Variants in PKD1 observed in about 807,000 individuals in gnomAD.
The protein encoded by PKD1 is polycystin-1.
PKD1 carries 81 observed loss-of-function variants against 361.7 expected under a neutral mutation model. That is an observed-to-expected ratio of 0.22 (90% CI 0.19 to 0.27). The LOEUF (loss-of-function observed/expected upper bound fraction) is 0.27, where lower values mean the gene tolerates loss of function less well. PKD1 is among the 10% of genes least tolerant of loss of function. The pLI is 1.00. For synonymous variants in PKD1, 3,615 were observed against 2,818.3 expected, an observed-to-expected ratio of 1.28 and a Z score of -8.95; for missense variants, 6,399 against 6,118.3, an observed-to-expected ratio of 1.05 and a Z score of -1.53.
Position 2,100,801 on chromosome 16 carries a change from C to A in PKD1, c.9398-235G>T. 1 of 571,862 alleles carries A rather than the reference C, an allele frequency of 1.7e-6. No homozygotes were observed. Among genetic ancestry groups the A allele is most frequent in the Non-Finnish European group, 3.1e-6 (1 of 317,540 alleles). 35.4% of individuals were successfully genotyped at this position (571,862 alleles called of 1,614,324 possible). On this transcript the variant is annotated intron_variant, in intron 26 of 45. Transcript: ENST00000262304. The surrounding 1 kb of genome is among the most constrained non-coding windows in gnomAD (Gnocchi z 4.4). The stretch of plus-strand genomic sequence containing the variant: ...GGAAAGAACTGTAACTTGTGACATG[C>A]AAACATGGCTGCACACGCCTCAGTC...
At chr16:2,129,014 C>A (rs562831567) in intron 1 of PKD1, among the ~76,000 whole-genome samples, 22 of 152,168 alleles carry the variant, frequency 1.4e-4, no homozygotes, top group Middle Eastern at 3.4e-3. Flanking sequence ...CAGGCGCCCA[C>A]GACCACACCT....
intron 1 of PKD1, among the ~76,000 whole-genome samples, chr16:2,125,020 G>A (rs1422701296): frequency 4.6e-5 from 7 of 152,212 alleles, no homozygotes. Context: ...GGGCGCTGGA[G>A]AGGACAGGGG....
chr16:2,096,550 T>C (rs1372802183), intron 34 of PKD1, among the ~76,000 whole-genome samples: 2 of 152,150 alleles, frequency 1.3e-5, no homozygotes, highest in Non-Finnish European at 2.9e-5. Flanking sequence ...AGTTTCGCTC[T>C]TGTTGCCCAG....
chr16:2,132,829 C>A (rs1252203779), intron 1 of PKD1, among the ~76,000 whole-genome samples: 1 of 149,722 alleles, frequency 6.7e-6, no homozygotes, highest in African/African-American at 2.5e-5. Context: ...TGCCTGTAAT[C>A]CCAGCACTTT....
At chr16:2,104,422 C>A (rs190079885) in intron 22 of PKD1, 76 bp downstream of exon 22, 2 of 1,021,768 alleles carry the variant, frequency 2.0e-6, no homozygotes, top group Non-Finnish European at 2.7e-6. Flanking sequence ...AAAGGCGACG[C>A]GGTTGGGGGG....
rs771451033 is a variant in PKD1, at chr16:2,102,459, G to A, written c.9123C>T (p.Ala3041=). ...LPLEETSPRQ[A]VCLTRHLTAF... ...CGGTGAGGTGGCGGGTGAGGCAGAC[G>A]GCCTGGCGGGGCGAGGTCTCCTCCA... is the stretch of plus-strand genomic sequence containing the variant. The change falls in exon 25 of 46, where the codon GCC becomes GCT. Residue 3041 remains alanine (A), a synonymous_variant. Coordinates refer to ENST00000262304, the MANE Select transcript of PKD1 (RefSeq NM_001009944.3). 52 of 1,552,822 alleles carry A rather than the reference G, an allele frequency of 3.3e-5. No homozygotes were observed. The highest frequency in any genetic ancestry group is 3.7e-5 in the Non-Finnish European group (42 of 1,149,680).
At chr16:2,092,868 A>G (rs985228239) in intron 38 of PKD1, 86 bp downstream of exon 38, 1 of 1,493,924 alleles carries the variant, frequency 6.7e-7, no homozygotes, top group Non-Finnish European at 9.3e-7. Flanking sequence ...AGGTATCTAC[A>G]CATGTCCACA....
chr16:2,090,910 A>G lies in PKD1; in HGVS notation c.11977T>C (p.Ser3993Pro). Residue 3993 changes from serine to proline, a missense_variant, in exon 43 of 46, where the codon TCG becomes CCG. Transcript: ENST00000262304. ...TTGACCAAAAGCAGGAAGAGCAGCGAGGCCGCCAGGCCACGGGCTGCGGAG... is the reference window on the plus strand; with the variant it reads ...TTGACCAAAAGCAGGAAGAGCAGCGGGGCCGCCAGGCCACGGGCTGCGGAG... ...LSSAARGLAASLLFLLLVKAA... is the reference protein window; with the variant it reads ...LSSAARGLAAPLLFLLLVKAA... 6.3e-7 allele frequency: 1 copy of G among 1,592,700 alleles called. No individual in the cohort carries two copies. The highest frequency in any genetic ancestry group is 1.1e-5 in the South Asian group (1 of 90,068).
rs1359870594 is a variant in PKD1 at position 2,102,617 on chromosome 16, C to T, written c.8965G>A (p.Gly2989Arg). ...FISPGSRDPA[G>R]SYHLNLSSHF... ...CTGGAGAGGTTCAGATGGTAACTCC[C>T]CGCTGGGTCTCTGCTCCTGGGCAGG... The change falls in exon 25 of 46, where the codon GGG becomes AGG. Residue 2989 changes from glycine (G) to arginine (R), a missense_variant. Physicochemically the swap from Gly to Arg is moderately radical, Grantham distance 125. Coordinates refer to ENST00000262304, the MANE Select transcript of PKD1 (RefSeq NM_001009944.3). 5 of 1,610,938 alleles carry T rather than the reference C, an allele frequency of 3.1e-6. No homozygotes were observed. The Admixed American group carries it at 8.3e-5, about 27-fold the overall frequency.
Position 2,112,939 on chromosome 16 carries a change from T to G in PKD1, c.3010A>C (p.Asn1004His), listed in dbSNP as rs1184516660. ...LSLTASNHVS[N>H]VTVNYNVTVE... ...GTTACGTTGTAGTTCACGGTGACGTTGCTCACGTGGTTGGAGGCCGTCAGC... is the reference window on the plus strand; with the variant it reads ...GTTACGTTGTAGTTCACGGTGACGTGGCTCACGTGGTTGGAGGCCGTCAGC... The change falls in exon 13 of 46, where the codon AAC becomes CAC. Residue 1004 changes from asparagine to histidine, a missense_variant. Physicochemically the swap from Asn to His is moderately conservative, Grantham distance 68. Coordinates refer to ENST00000262304, the MANE Select transcript of PKD1 (RefSeq NM_001009944.3). 5.0e-6 allele frequency: 8 copies of G among 1,602,542 alleles called. No homozygotes were observed. Among genetic ancestry groups the G allele is most frequent in the Non-Finnish European group, 6.8e-6 (8 of 1,179,756 alleles).
At position 2,103,354 on chromosome 16, in the gene PKD1, G is replaced by A; in HGVS notation, c.8703C>T (p.Pro2901=). ...ANSANSVVVQ[P]QASVGAVVTL... is the part of the protein sequence containing the mutation. ...TGACCACAGCACCGACGGAGGCCTG[G>A]GGCTGGACCACAACGGAGTTGGCGG... The change falls in exon 23 of 46, where the codon CCC becomes CCT. Residue 2901 remains proline, a synonymous_variant. Transcript: ENST00000262304. 1.2e-6 allele frequency: 2 copies of A among 1,604,852 alleles called. No homozygotes were observed. Among genetic ancestry groups the A allele is most frequent in the East Asian group, 4.5e-5 (2 of 44,870 alleles).
chr16:2,101,743 G>A (rs920293526), intron 26 of PKD1, among the ~76,000 whole-genome samples: 1 of 152,290 alleles, frequency 6.6e-6, no homozygotes, highest in Non-Finnish European at 1.5e-5. Flanking sequence ...GACGAGCTAT[G>A]CAGTCAGGAT....
At chr16:2,122,136 C>G (rs2092730764) in intron 1 of PKD1, among the ~76,000 whole-genome samples, 1 of 152,260 alleles carries the variant, frequency 6.6e-6, no homozygotes, top group African/African-American at 2.4e-5. Flanking sequence ...GGGGACAGAG[C>G]AGCCGAGGCC....
chr16:2,126,508 G>A (rs2092801855), intron 1 of PKD1, among the ~76,000 whole-genome samples: 1 of 152,280 alleles, frequency 6.6e-6, no homozygotes, highest in Non-Finnish European at 1.5e-5. Context: ...GGCAAGGACA[G>A]CTGCCAAGCC....
intron 33 of PKD1, 34 bp downstream of exon 33, chr16:2,097,285 A>C (rs2091887657): frequency 3.7e-6 from 6 of 1,609,790 alleles, no homozygotes; most frequent in Non-Finnish European, 5.1e-6. Context: ...TGCAAGGGTG[A>C]GCTTCAGAGC....
chr16:2,097,125 TC>T, intron 34 of PKD1, 22 bp downstream of exon 34: 1 of 1,198,330 alleles, frequency 8.3e-7, no homozygotes. Flanking sequence ...CAATCCCCCC[TC>T]CCCCGAGAGC....
Position 2,091,046 on chromosome 16 carries a change from G to C in PKD1, c.11841C>G (p.Ala3947=), listed in dbSNP as rs1213486088. Residue 3947 remains alanine (A), a synonymous_variant, in exon 43 of 46, where the codon GCC becomes GCG. Transcript: ENST00000262304. The stretch of plus-strand genomic sequence containing the variant: ...GCTGGGCGAGGCGTACCAGTGCCGT[G>C]GCCGCCGTCAGCGCCACCAGCAGCC... The part of the protein sequence containing the change: ...ARWLLVALTA[A]TALVRLAQLG... The C allele has an allele frequency of 1.3e-6, 2 of 1,525,920 alleles. No homozygotes were observed. Among genetic ancestry groups the C allele is most frequent in the African/African-American group, 1.4e-5 (1 of 72,240 alleles). The allele number at this position is 1,525,920 out of a possible 1,614,324, so 94.5% of individuals were successfully genotyped here.
rs961328710 is a variant in PKD1, at chr16:2,119,851, C to T, written c.216-473G>A. 4 of 699,662 alleles carry T rather than the reference C, an allele frequency of 5.7e-6. No individual in the cohort carries two copies. The African/African-American group carries it at 7.0e-5, about 12-fold the overall frequency. The allele number at this position is 699,662 out of a possible 1,614,324, so 43.3% of individuals were successfully genotyped here. A position where few individuals can be genotyped will look rare whatever the true frequency, so the allele number is the denominator to read the frequency against. ...CAGGTATGACTGTGTGAGAAGCAGG[C>T]TCACTACCAGGCTACCAGGGAGCAC... On this transcript the variant is annotated intron_variant, in intron 1 of 45. Coordinates refer to ENST00000262304, the MANE Select transcript of PKD1 (RefSeq NM_001009944.3).
At position 2,088,757 on chromosome 16, in the gene PKD1, TG is replaced by T. The variant is rs397514891; in HGVS notation, c.*969del. The T allele has an allele frequency of 7.9e-5, 91 of 1,157,584 alleles. No homozygotes were observed. Among genetic ancestry groups the T allele is most frequent in the Middle Eastern group, 2.7e-4 (1 of 3,642 alleles). 71.7% of individuals were successfully genotyped at this position (1,157,584 alleles called of 1,614,324 possible). A position where few individuals can be genotyped will look rare whatever the true frequency, so the allele number is the denominator to read the frequency against. ...GACTTTGTCTGCTTGGTGCGGGGGT[TG>T]GGGGGGTGTCGAGGCTCTAGAAGCG... On this transcript the variant is annotated 3_prime_UTR_variant, in exon 46 of 46. Transcript: ENST00000262304.
Sources: gnomAD v4.1 joint callset for allele counts (sites outside exome capture counted in the v4.1 genomes callset) on GRCh38, gnomAD v4.1.1 for gene constraint, Gnocchi (gnomAD v3.1) non-coding constraint, MANE v1.5 for transcripts, NCBI Gene and HGNC (gene_info 2026-07-23, HGNC 2026-07-21) for gene names.